The following GABPB2 variants were observed in gnomAD, a reference collection of about 807,000 sequenced individuals.
The protein encoded by GABPB2 is GA-binding protein subunit beta-2.
A neutral mutation model predicts 39.1 loss-of-function variants in GABPB2; 23 were observed. The ratio of observed to expected loss-of-function variants is 0.59; its 90% confidence interval spans 0.42 to 0.83. The LOEUF is 0.83. Ranked by LOEUF, GABPB2 falls within the 40% of genes least tolerant of loss-of-function variation. The pLI is 0.00. For synonymous variants in GABPB2, 184 were observed against 199.3 expected, an observed-to-expected ratio of 0.92 and a Z score of 0.65; for missense variants, 467 against 541.1, an observed-to-expected ratio of 0.86 and a Z score of 1.36.
intron 7 of GABPB2, among the ~76,000 whole-genome samples, chr1:151,114,818 T>C (rs912052113): frequency 6.6e-6 from 1 of 152,148 alleles, no homozygotes; most frequent in Non-Finnish European, 1.5e-5. Flanking sequence ...GAGACCAGCC[T>C]GCCCAACATG....
At chr1:151,074,287 A>G (rs1676973134) in intron 1 of GABPB2, among the ~76,000 whole-genome samples, 2 of 119,888 alleles carry the variant, frequency 1.7e-5, no homozygotes, top group African/African-American at 6.3e-5. Flanking sequence ...TTATTTCTTG[A>G]TTGTATGCTA....
intron 1 of GABPB2, among the ~76,000 whole-genome samples, chr1:151,086,237 C>G (rs1204447867): frequency 6.6e-6 from 1 of 151,622 alleles, no homozygotes; most frequent in African/African-American, 2.4e-5. Flanking sequence ...CAGAGTGAAA[C>G]CCTGTCTCAA....
rs1368671376 is a variant in GABPB2 at position 151,122,934 on chromosome 1, G to C, written c.*4678G>C. The stretch of plus-strand genomic sequence containing the variant: ...ACGGTCCTCTTGGCATCCCAGATAA[G>C]GGAAATAGGATTTGATCTCCAATTG... On this transcript the variant is annotated 3_prime_UTR_variant, in exon 9 of 9. Coordinates refer to ENST00000368918, the MANE Select transcript of GABPB2 (RefSeq NM_144618.3). The C allele has an allele frequency of 6.6e-6, 1 of 152,076 alleles. No individual in the cohort carries two copies. Among genetic ancestry groups the C allele is most frequent in the African/African-American group, 2.4e-5 (1 of 41,428 alleles). The allele number at this position is 152,076 out of a possible 1,614,324, so 9.4% of individuals were successfully genotyped here.
chr1:151,082,473 C>T (rs1259929202), intron 1 of GABPB2, among the ~76,000 whole-genome samples: 23 of 133,508 alleles, frequency 1.7e-4, no homozygotes, highest in Admixed American at 6.3e-4. Context: ...TCGATCTCGG[C>T]TCACTGCAGG....
At chr1:151,083,370 G>A (rs1027039923) in intron 1 of GABPB2, among the ~76,000 whole-genome samples, 20 of 152,154 alleles carry the variant, frequency 1.3e-4, no homozygotes, top group African/African-American at 4.3e-4. Flanking sequence ...GGTGGCTCAC[G>A]CCTGTAATCC....
At chr1:151,098,166 G>C (rs149526187) in intron 5 of GABPB2, among the ~76,000 whole-genome samples, 164 bp downstream of exon 5, 295 of 152,218 alleles carry the variant, frequency 1.9e-3, no homozygotes, top group African/African-American at 6.7e-3. Flanking sequence ...ATTCTTTCTG[G>C]GGAAGGGAAG....
At chr1:151,112,773 A>T (rs1446761410) in intron 7 of GABPB2, 2 of 158,764 alleles carry the variant, frequency 1.3e-5, no homozygotes, top group African/African-American at 2.5e-5. Context: ...GAGCTCCCGA[A>T]TTTTTTTTTT....
chr1:151,089,209 T>C (rs1263156624), intron 2 of GABPB2, among the ~76,000 whole-genome samples: 2 of 152,130 alleles, frequency 1.3e-5, no homozygotes, highest in Admixed American at 1.3e-4. Context: ...TATTCTGGAC[T>C]GATTAATTGA....
intron 4 of GABPB2, among the ~76,000 whole-genome samples, chr1:151,097,612 T>C (rs587724491): frequency 6.6e-6 from 1 of 152,020 alleles, no homozygotes; most frequent in South Asian, 2.1e-4. Context: ...CAAAACCCTC[T>C]ACTAAAAATA....
chr1:151,085,116 G>A (rs1483846969), intron 1 of GABPB2, among the ~76,000 whole-genome samples: 1 of 151,184 alleles, frequency 6.6e-6, no homozygotes, highest in East Asian at 2.0e-4. Flanking sequence ...AAAATAAAAT[G>A]GCCAGGCGCG....
intron 1 of GABPB2, among the ~76,000 whole-genome samples, chr1:151,071,706 A>C (rs907446307): frequency 1.2e-4 from 19 of 152,012 alleles, no homozygotes; most frequent in African/African-American, 4.6e-4. Flanking sequence ...TCCTGACCTT[A>C]GGGGATCCCC....
chr1:151,092,387 G>T (rs978925277), intron 3 of GABPB2, among the ~76,000 whole-genome samples: 6 of 151,546 alleles, frequency 4.0e-5, no homozygotes, highest in African/African-American at 1.4e-4. Context: ...TTACAGGCGT[G>T]AGCCACCGCA....
In GABPB2 at chr1:151,120,544, G is replaced by A. The variant is rs1289715815; in HGVS notation, c.*2288G>A. The A allele has an allele frequency of 6.6e-6, 1 of 152,066 alleles. No individual in the cohort carries two copies. The highest frequency in any genetic ancestry group is 1.5e-5 in the Non-Finnish European group (1 of 68,036). The allele number at this position is 152,066 out of a possible 1,614,324, so 9.4% of individuals were successfully genotyped here. A position where few individuals can be genotyped will look rare whatever the true frequency, so the allele number is the denominator to read the frequency against. On this transcript the variant is annotated 3_prime_UTR_variant, in exon 9 of 9. Coordinates refer to ENST00000368918, the MANE Select transcript of GABPB2 (RefSeq NM_144618.3). ...TAGAAAAGAAAGAAAACTTGTTTAT[G>A]TGGGAGGAGTATATATAAAACCAAA... is the stretch of plus-strand genomic sequence containing the variant.
chr1:151,109,594 C>T (rs894622990), intron 7 of GABPB2, among the ~76,000 whole-genome samples: 12 of 151,128 alleles, frequency 7.9e-5, no homozygotes, highest in Admixed American at 3.3e-4. Flanking sequence ...CTCCTGACCT[C>T]GTGATCCACC....
At chr1:151,076,096 A>G (rs899764246) in intron 1 of GABPB2, among the ~76,000 whole-genome samples, 7 of 152,216 alleles carry the variant, frequency 4.6e-5, no homozygotes, top group Admixed American at 3.9e-4. Flanking sequence ...CAGTTTAAGA[A>G]AACATTCAGT....
rs1156493324 is a variant in GABPB2, at chr1:151,118,295, C to T, written c.*39C>T. 2 of 1,541,258 alleles carry T rather than the reference C, an allele frequency of 1.3e-6. No homozygotes were observed. The highest frequency in any genetic ancestry group is 1.8e-6 in the Non-Finnish European group (2 of 1,137,242). ...CAATTTGCACTGTGTTCATATTAAT[C>T]CTCTTTTAAAAAAGGAAATATACAG... On this transcript the variant is annotated 3_prime_UTR_variant, in exon 9 of 9. Coordinates refer to ENST00000368918, the MANE Select transcript of GABPB2 (RefSeq NM_144618.3).
chr1:151,075,751 A>T (rs1263130112), intron 1 of GABPB2, among the ~76,000 whole-genome samples: 4 of 151,670 alleles, frequency 2.6e-5, no homozygotes, highest in African/African-American at 4.8e-5. Flanking sequence ...CACAAAACAA[A>T]ACAAAAAAAG....
chr1:151,074,696 G>C (rs901424048), intron 1 of GABPB2, among the ~76,000 whole-genome samples: 1 of 152,094 alleles, frequency 6.6e-6, no homozygotes, highest in African/African-American at 2.4e-5. Flanking sequence ...CATGGCACTG[G>C]TGGGAGTGTA....
intron 1 of GABPB2, chr1:151,073,064 G>C (rs1354922080): frequency 6.6e-6 from 1 of 152,094 alleles, no homozygotes; most frequent in Non-Finnish European, 1.5e-5. Context: ...CAGTCACCCA[G>C]GCTGGAGTGC....
Sources: allele counts gnomAD v4.1 joint callset (sites outside exome capture counted in the v4.1 genomes callset), GRCh38; gene constraint gnomAD v4.1.1; transcripts MANE v1.5; gene names NCBI Gene and HGNC (gene_info 2026-07-23, HGNC 2026-07-21).